NBN: variants seen among roughly 807,000 people sequenced by gnomAD.
NBN encodes nibrin, also known as Nijmegen breakage syndrome 1 (nibrin).
NBN carries 88 observed loss-of-function variants against 90.8 expected under a neutral mutation model. The observed-to-expected ratio is 0.97, with a 90% CI of 0.82 to 1.16. The LOEUF (loss-of-function observed/expected upper bound fraction) is 1.16, where lower values mean the gene tolerates loss of function less well. NBN is among the 50% of genes most tolerant of loss of function. The probability of loss-of-function intolerance (pLI) is 0.00; values close to 1 mark genes in which losing one functional copy is unlikely to be tolerated. For missense variants in NBN, 894 were observed against 869.6 expected, an observed-to-expected ratio of 1.03 and a Z score of -0.35; for synonymous variants, 328 against 295.1, an observed-to-expected ratio of 1.11 and a Z score of -1.14.
Position 89,979,525 on chromosome 8 carries a change from T to TTG in NBN, c.481-1203_481-1202insCA, listed in dbSNP as rs1811951992. Among the ~76,000 whole-genome samples, 3 of 151,430 alleles carry TTG rather than the reference T, an allele frequency of 2.0e-5. No homozygotes were observed. In the South Asian group the frequency reaches 6.2e-4, roughly 31 times the overall value. On this transcript the variant is annotated intron_variant, in intron 4 of 15. Transcript: ENST00000265433. ...AATAAAAGTTGAACTGAACGCTTTT[T>TTG]TTGTTGTTGTTGTTGTTGTTGTTTT...
intron 9 of NBN, among the ~76,000 whole-genome samples, chr8:89,958,501 G>T (rs184145449): frequency 4.2e-4 from 64 of 152,250 alleles, no homozygotes; most frequent in Non-Finnish European, 9.0e-4. Flanking sequence ...CAGAGTGGAG[G>T]AGCTGGGACA....
Position 89,951,390 on chromosome 8 carries a change from G to A in NBN, c.1845+1854C>T, listed in dbSNP as rs1397929054. Among the ~76,000 whole-genome samples, 9 of 150,904 alleles carry A rather than the reference G, an allele frequency of 6.0e-5. No individual in the cohort carries two copies. The East Asian group carries it at 1.8e-3, about 30-fold the overall frequency. ...GAAAATAACATGTCAGAGAAAATCA[G>A]AGGAGAAGAGAGCACAGCAAGGGAA... is the stretch of plus-strand genomic sequence containing the variant. On this transcript the variant is annotated intron_variant, in intron 11 of 15. Coordinates refer to ENST00000265433, the MANE Select transcript of NBN (RefSeq NM_002485.5).
At chr8:89,958,296 G>A (rs1305911830) in intron 9 of NBN, among the ~76,000 whole-genome samples, 1 of 152,210 alleles carries the variant, frequency 6.6e-6, no homozygotes, top group African/African-American at 2.4e-5. Context: ...TGAGAGATAA[G>A]GAACCCCTGG....
chr8:89,941,298 A>C (rs545060505), intron 14 of NBN, among the ~76,000 whole-genome samples: 9 of 152,262 alleles, frequency 5.9e-5, no homozygotes, highest in African/African-American at 2.2e-4. Flanking sequence ...TTCGAGCTTA[A>C]GAAAGATGAC....
chr8:89,984,565 T>A lies in NBN; in HGVS notation c.-4A>T. On this transcript the variant is annotated 5_prime_UTR_variant, in exon 1 of 16. Transcript: ENST00000265433. Reference sequence around the variant, plus strand: ...CGGCGGGCAGCAGTTTCCACATCGGTCCGGCTCCTCAGGGCTGGGGCCGAC... The same window carrying A: ...CGGCGGGCAGCAGTTTCCACATCGGACCGGCTCCTCAGGGCTGGGGCCGAC... 1 of 1,613,010 alleles carries A rather than the reference T, an allele frequency of 6.2e-7. No homozygotes were observed. Among genetic ancestry groups the A allele is most frequent in the Non-Finnish European group, 8.5e-7 (1 of 1,179,756 alleles).
At chr8:89,970,634 A>T in intron 6 of NBN, 77 bp from the exon 7 acceptor site, 1 of 1,381,486 alleles carries the variant, frequency 7.2e-7, no homozygotes, top group Non-Finnish European at 1.0e-6. Flanking sequence ...TTTGGGAAAC[A>T]TAGAAGTACA....
intron 8 of NBN, among the ~76,000 whole-genome samples, chr8:89,961,721 C>G (rs1374005108): frequency 1.3e-5 from 2 of 152,088 alleles, no homozygotes; most frequent in African/African-American, 4.8e-5. Flanking sequence ...ACTGAGGACT[C>G]AGAAGTCTAG....
chr8:89,980,076 A>G (rs1193798519), intron 4 of NBN, among the ~76,000 whole-genome samples: 1 of 152,200 alleles, frequency 6.6e-6, no homozygotes, highest in Non-Finnish European at 1.5e-5. Context: ...GAATTTATAA[A>G]ATCAATTTCA....
intron 9 of NBN, among the ~76,000 whole-genome samples, chr8:89,958,227 G>A (rs1438757152): frequency 2.0e-5 from 3 of 152,162 alleles, no homozygotes; most frequent in Admixed American, 6.5e-5. Context: ...TAGCTTGCCC[G>A]CTGATCACCT....
intron 8 of NBN, among the ~76,000 whole-genome samples, chr8:89,962,371 T>C (rs1811030796): frequency 6.6e-6 from 1 of 152,240 alleles, no homozygotes; most frequent in East Asian, 1.9e-4. Flanking sequence ...TATATGTTTG[T>C]TGTAATTAAA....
chr8:89,982,954 C>A lies in NBN; in HGVS notation c.38-99G>T, dbSNP rs1812147837. On this transcript the variant is annotated intron_variant, in intron 1 of 15. Coordinates refer to ENST00000265433, the MANE Select transcript of NBN (RefSeq NM_002485.5). ...GTAAGTGTATATGATATAGGTATGA[C>A]AAATATTAAATAAAACACCTTTGTT... is the stretch of plus-strand genomic sequence containing the variant. The A allele has an allele frequency of 7.2e-6, 9 of 1,245,940 alleles. No homozygotes were observed. In the South Asian group the frequency reaches 1.1e-4, roughly 16 times the overall value. The allele number at this position is 1,245,940 out of a possible 1,614,324, so 77.2% of individuals were successfully genotyped here. A position where few individuals can be genotyped will look rare whatever the true frequency, so the allele number is the denominator to read the frequency against.
chr8:89,944,788 C>T (rs1810114272), intron 13 of NBN, among the ~76,000 whole-genome samples: 3 of 152,110 alleles, frequency 2.0e-5, no homozygotes, highest in Admixed American at 1.3e-4. Flanking sequence ...ACCATATTGC[C>T]CAGGCTGGTC....
intron 11 of NBN, among the ~76,000 whole-genome samples, chr8:89,949,131 T>G (rs1810329849): frequency 6.6e-6 from 1 of 152,102 alleles, no homozygotes; most frequent in Non-Finnish European, 1.5e-5. Context: ...AATAACTGAG[T>G]GAATTACACA....
Position 89,982,924 on chromosome 8 carries a change from T to C in NBN, c.38-69A>G, listed in dbSNP as rs973049296. On this transcript the variant is annotated intron_variant, in intron 1 of 15. Coordinates refer to ENST00000265433, the MANE Select transcript of NBN (RefSeq NM_002485.5). ...ATACACATGTACACGAACACACACATACATGTAAGTGTATATGATATAGGT... is the reference window on the plus strand; with the variant it reads ...ATACACATGTACACGAACACACACACACATGTAAGTGTATATGATATAGGT... 7 of 1,457,008 alleles carry C rather than the reference T, an allele frequency of 4.8e-6. No individual in the cohort carries two copies. The African/African-American group carries it at 8.4e-5, about 18-fold the overall frequency. 90.3% of individuals were successfully genotyped at this position (1,457,008 alleles called of 1,614,324 possible).
chr8:89,983,716 G>A (rs554636482), intron 1 of NBN, among the ~76,000 whole-genome samples: 1 of 152,286 alleles, frequency 6.6e-6, no homozygotes, highest in East Asian at 1.9e-4. Context: ...GAGACATGCG[G>A]AGTTGAGTCT....
intron 4 of NBN, 70 bp downstream of exon 4, chr8:89,980,664 T>A: frequency 7.6e-7 from 1 of 1,322,078 alleles, no homozygotes; most frequent in Non-Finnish European, 1.1e-6. Flanking sequence ...TAAAAAAAAA[T>A]CTGTGTATAG....
At chr8:89,974,390 T>A in intron 5 of NBN, among the ~76,000 whole-genome samples, 1 of 152,008 alleles carries the variant, frequency 6.6e-6, no homozygotes. Flanking sequence ...AAATTAACTA[T>A]GTAAGGTGAC....
chr8:89,958,240 T>C (rs1169504408), intron 9 of NBN, among the ~76,000 whole-genome samples: 1 of 152,214 alleles, frequency 6.6e-6, no homozygotes, highest in Non-Finnish European at 1.5e-5. Flanking sequence ...GATCACCTAC[T>C]GCTGTGTGGC....
intron 14 of NBN, among the ~76,000 whole-genome samples, chr8:89,937,703 T>C (rs1026176413): frequency 6.6e-6 from 1 of 152,218 alleles, no homozygotes; most frequent in African/African-American, 2.4e-5. Flanking sequence ...ACACAAGCCC[T>C]TGCATTTGAC....
Sources: gnomAD v4.1 joint callset for allele counts (sites outside exome capture counted in the v4.1 genomes callset) on GRCh38, gnomAD v4.1.1 for gene constraint, MANE v1.5 for transcripts, NCBI Gene and HGNC (gene_info 2026-07-23, HGNC 2026-07-21) for gene names.